HIPK2: variants seen among roughly 807,000 people sequenced by gnomAD.
The protein encoded by HIPK2 is homeodomain-interacting protein kinase 2.
HIPK2 carries 27 observed loss-of-function variants against 113.7 expected under a neutral mutation model. The observed-to-expected ratio is 0.24, with a 90% CI of 0.17 to 0.33. The LOEUF is 0.33. HIPK2 is among the 10% of genes least tolerant of loss of function. The probability of loss-of-function intolerance (pLI) is 1.00; values close to 1 mark genes in which losing one functional copy is unlikely to be tolerated. For synonymous variants in HIPK2, 631 were observed against 642.2 expected (o/e 0.98, Z 0.26); for missense variants, 1,257 against 1,588.0 (o/e 0.79, Z 3.54).
chr7:139,701,456 G>A (rs887816814), intron 2 of HIPK2, among the ~76,000 whole-genome samples: 82 of 152,260 alleles, frequency 5.4e-4, no homozygotes, highest in African/African-American at 1.7e-3. Flanking sequence ...CTAGAACGTC[G>A]GCTCTCATCC....
intron 6 of HIPK2, 86 bp downstream of exon 6, chr7:139,626,515 T>A: frequency 1.4e-6 from 2 of 1,438,922 alleles, no homozygotes; most frequent in Admixed American, 4.1e-5. Flanking sequence ...TACCAAGACC[T>A]TATGGCCGCA....
At chr7:139,641,418 T>A (rs1237554031) in intron 2 of HIPK2, among the ~76,000 whole-genome samples, 1 of 152,022 alleles carries the variant, frequency 6.6e-6, no homozygotes, top group Admixed American at 6.5e-5. Flanking sequence ...ATCCTCTTGC[T>A]TCTTCCTTGT....
At chr7:139,677,676 T>C (rs1802550140) in intron 2 of HIPK2, among the ~76,000 whole-genome samples, 1 of 152,198 alleles carries the variant, frequency 6.6e-6, no homozygotes, top group African/African-American at 2.4e-5. Flanking sequence ...GCTGCACCCA[T>C]CAACCAGTTA....
intron 4 of HIPK2, 25 bp from the exon 5 acceptor site, chr7:139,629,064 T>C (rs1250885108): frequency 1.3e-6 from 2 of 1,566,080 alleles, no homozygotes; most frequent in African/African-American, 1.3e-5. Flanking sequence ...AAAAGCCAAT[T>C]GGTAGCGTGA....
At chr7:139,588,156 A>G (rs746676883) in intron 12 of HIPK2, among the ~76,000 whole-genome samples, 4 of 151,908 alleles carry the variant, frequency 2.6e-5, no homozygotes, top group Non-Finnish European at 5.9e-5. Context: ...CGTCTCTACT[A>G]AAAATACAAA....
chr7:139,583,627 T>C (rs1798739338), intron 13 of HIPK2, 190 bp downstream of exon 13: 2 of 739,792 alleles, frequency 2.7e-6, no homozygotes, highest in East Asian at 2.7e-5. Flanking sequence ...AGGAAAACGC[T>C]GCTTATACAA....
At chr7:139,705,922 A>T (rs962365026) in intron 2 of HIPK2, among the ~76,000 whole-genome samples, 1 of 152,068 alleles carries the variant, frequency 6.6e-6, no homozygotes, top group Non-Finnish European at 1.5e-5. Context: ...TACTCTCTCC[A>T]GGAAGGCTTT....
chr7:139,705,694 A>T (rs749303592), intron 2 of HIPK2, among the ~76,000 whole-genome samples: 1 of 152,170 alleles, frequency 6.6e-6, no homozygotes, highest in Non-Finnish European at 1.5e-5. Flanking sequence ...AAGAACAATA[A>T]GCCTCAGAAA....
intron 6 of HIPK2, among the ~76,000 whole-genome samples, chr7:139,624,333 T>C (rs1380814351): frequency 1.3e-5 from 2 of 152,152 alleles, no homozygotes; most frequent in Non-Finnish European, 2.9e-5. Flanking sequence ...ATGACTTCGT[T>C]TCCTCTCCCC....
intron 6 of HIPK2, among the ~76,000 whole-genome samples, chr7:139,624,297 A>G (rs1310982859): frequency 1.3e-5 from 2 of 152,164 alleles, no homozygotes; most frequent in Non-Finnish European, 2.9e-5. Context: ...TGCTGGGATT[A>G]CAGGTGTGAG....
chr7:139,751,754 T>C (rs1796283144), intron 1 of HIPK2, among the ~76,000 whole-genome samples: 1 of 152,180 alleles, frequency 6.6e-6, no homozygotes. Flanking sequence ...AGAAGGCAGA[T>C]GCCATAAGAA....
At chr7:139,582,306 C>T (rs183766329) in intron 13 of HIPK2, among the ~76,000 whole-genome samples, 192 of 152,356 alleles carry the variant, frequency 1.3e-3, no homozygotes, top group African/African-American at 4.3e-3. Context: ...CCAGAATGCT[C>T]GCCCTGGCAT....
intron 11 of HIPK2, among the ~76,000 whole-genome samples, chr7:139,600,213 G>A (rs952923463): frequency 9.9e-5 from 15 of 152,092 alleles, no homozygotes; most frequent in Non-Finnish European, 1.8e-4. Flanking sequence ...CTATTACCAC[G>A]GTCTTAAACC....
chr7:139,723,347 C>T (rs1044392327), intron 1 of HIPK2, among the ~76,000 whole-genome samples: 13 of 152,060 alleles, frequency 8.5e-5, no homozygotes, highest in African/African-American at 3.1e-4. Flanking sequence ...ACGTGCGCCA[C>T]CACGCCCAGC....
In HIPK2 at chr7:139,749,440, T is replaced by C. The variant is rs143794262; in HGVS notation, c.19+28165A>G. On this transcript the variant is annotated intron_variant, in intron 1 of 14. Transcript: ENST00000406875. ...CTGGCTTGAATCCTAGCTTTGACAC[T>C]TAATAGATAAAAGATCTTGCACAAG... 5.6e-3 allele frequency among the ~76,000 whole-genome samples: 848 copies of C among 152,268 alleles called. 7 individuals are homozygous for C. Among genetic ancestry groups the C allele is most frequent in the Middle Eastern group, 0.014 (4 of 294 alleles).
chr7:139,620,790 C>G (rs556814414), intron 6 of HIPK2, among the ~76,000 whole-genome samples: 2 of 152,282 alleles, frequency 1.3e-5, no homozygotes, highest in Admixed American at 1.3e-4. Flanking sequence ...GCCCTACTAC[C>G]CTTTCTCCAT....
At chr7:139,700,166 C>T (rs928047257) in intron 2 of HIPK2, among the ~76,000 whole-genome samples, 9 of 152,146 alleles carry the variant, frequency 5.9e-5, no homozygotes, top group Non-Finnish European at 1.2e-4. Flanking sequence ...TGAAATCAGA[C>T]GTGTTTTCAA....
At chr7:139,745,434 G>C (rs148506226) in intron 1 of HIPK2, among the ~76,000 whole-genome samples, 8 of 152,272 alleles carry the variant, frequency 5.3e-5, no homozygotes, top group Non-Finnish European at 7.4e-5. Flanking sequence ...TGACTCCATG[G>C]GGAACCACTT....
intron 1 of HIPK2, among the ~76,000 whole-genome samples, chr7:139,728,583 G>A (rs1795661832): frequency 1.3e-5 from 2 of 152,146 alleles, no homozygotes; most frequent in Admixed American, 1.3e-4. Context: ...CCACCCTGAT[G>A]ACCTCACTTT....
Sources: gnomAD v4.1 joint callset for allele counts (sites outside exome capture counted in the v4.1 genomes callset) on GRCh38, gnomAD v4.1.1 for gene constraint, MANE v1.5 for transcripts, NCBI Gene and HGNC (gene_info 2026-07-23, HGNC 2026-07-21) for gene names.